The following EYS variants were observed in gnomAD, a reference collection of about 807,000 sequenced individuals.
EYS encodes the protein protein eyes shut homolog.
A neutral mutation model predicts 282.1 loss-of-function variants in EYS; 250 were observed. That is an observed-to-expected ratio of 0.89 (90% CI 0.80 to 0.98). The LOEUF is 0.98. Ranked by LOEUF, EYS falls within the 50% of genes least tolerant of loss-of-function variation. EYS has a pLI of 0.00. For synonymous variants in EYS, 1,355 were observed against 1,282.9 expected, an observed-to-expected ratio of 1.06 and a Z score of -1.20; for missense variants, 4,016 against 3,709.0, an observed-to-expected ratio of 1.08 and a Z score of -2.15.
At chr6:65,092,576 T>C (rs1774605381) in intron 12 of EYS, among the ~76,000 whole-genome samples, 1 of 152,190 alleles carries the variant, frequency 6.6e-6, no homozygotes, top group Admixed American at 6.5e-5. Context: ...CTGATAACTG[T>C]TTAGCTCTTT....
intron 13 of EYS, among the ~76,000 whole-genome samples, chr6:65,006,503 C>CAAAAAAA (rs59057058): frequency 7.2e-5 from 6 of 83,276 alleles, no homozygotes; most frequent in Admixed American, 1.5e-4. Context: ...TATTCTAAGT[C>CAAAAAAA]AAAAAAAAAA....
At chr6:65,496,712 G>C (rs1300236390) in intron 2 of EYS, among the ~76,000 whole-genome samples, 9 of 151,958 alleles carry the variant, frequency 5.9e-5, no homozygotes, top group Non-Finnish European at 1.2e-4. Context: ...TTTTGTTATT[G>C]TACAATTTCA....
intron 31 of EYS, among the ~76,000 whole-genome samples, chr6:64,173,684 T>C (rs1003430076): frequency 1.3e-5 from 2 of 152,184 alleles, no homozygotes; most frequent in African/African-American, 4.8e-5. Context: ...TGGGAACTTT[T>C]ACTTAAAAAG....
intron 26 of EYS, among the ~76,000 whole-genome samples, chr6:64,446,595 A>G (rs1233315340): frequency 6.6e-6 from 1 of 152,038 alleles, no homozygotes; most frequent in Non-Finnish European, 1.5e-5. Context: ...AGATCATAAA[A>G]TTCTATATCA....
intron 29 of EYS, among the ~76,000 whole-genome samples, chr6:64,366,230 C>T (rs1394446356): frequency 6.6e-6 from 1 of 151,882 alleles, no homozygotes; most frequent in Non-Finnish European, 1.5e-5. Flanking sequence ...TTTAGGACTC[C>T]CCAAATAGTG....
chr6:65,428,395 A>G (rs1767745286), intron 5 of EYS, among the ~76,000 whole-genome samples: 1 of 152,182 alleles, frequency 6.6e-6, no homozygotes, highest in African/African-American at 2.4e-5. Context: ...TAATTACATC[A>G]AACACTTGTA....
chr6:64,839,358 A>C (rs1402588320), intron 19 of EYS, among the ~76,000 whole-genome samples: 2 of 152,050 alleles, frequency 1.3e-5, no homozygotes, highest in African/African-American at 4.8e-5. Flanking sequence ...AAAAATACCC[A>C]AAATTTCATT....
intron 12 of EYS, among the ~76,000 whole-genome samples, chr6:65,294,567 A>T (rs1352003071): frequency 6.6e-6 from 1 of 151,896 alleles, no homozygotes; most frequent in Non-Finnish European, 1.5e-5. Context: ...TGATCATATA[A>T]CGTACAACCA....
intron 22 of EYS, among the ~76,000 whole-genome samples, chr6:64,651,584 G>A (rs1321858741): frequency 6.6e-6 from 1 of 152,238 alleles, no homozygotes; most frequent in Non-Finnish European, 1.5e-5. Context: ...TCGGGAGGCT[G>A]AGACGGGAGA....
intron 35 of EYS, among the ~76,000 whole-genome samples, chr6:63,948,589 C>T (rs185112723): frequency 6.7e-6 from 1 of 150,322 alleles, no homozygotes; most frequent in Non-Finnish European, 1.5e-5. Flanking sequence ...TTTTCTCTCT[C>T]TCCCTGATTT....
intron 2 of EYS, among the ~76,000 whole-genome samples, chr6:65,542,133 T>C (rs1443092825): frequency 2.0e-5 from 3 of 152,196 alleles, no homozygotes; most frequent in Non-Finnish European, 4.4e-5. Context: ...TTTGACTTTT[T>C]AGCAGTTTTC....
chr6:65,322,703 G>A (rs1385420869), intron 11 of EYS, among the ~76,000 whole-genome samples: 1 of 151,032 alleles, frequency 6.6e-6, no homozygotes, highest in Non-Finnish European at 1.5e-5. Flanking sequence ...GCTGAGGCAG[G>A]AGAATCACTT....
chr6:64,504,343 C>T lies in EYS; in HGVS notation c.5645-64991G>A, dbSNP rs561802129. On this transcript the variant is annotated intron_variant, in intron 26 of 42. Transcript: ENST00000503581. ...ACCCTAACATTTTAGGAAAACTTACCAATGACACTTCTGTTATGATGATGA... is the reference window on the plus strand; with the variant it reads ...ACCCTAACATTTTAGGAAAACTTACTAATGACACTTCTGTTATGATGATGA... Among the ~76,000 whole-genome samples the T allele has an allele frequency of 2.6e-5, 4 of 152,206 alleles. No homozygotes were observed. In the East Asian group the frequency reaches 5.8e-4, roughly 22 times the overall value.
chr6:64,595,130 G>A (rs914769234), intron 24 of EYS, among the ~76,000 whole-genome samples: 7 of 152,130 alleles, frequency 4.6e-5, no homozygotes, highest in South Asian at 2.1e-4. Flanking sequence ...ATGCAAGGAT[G>A]TTTCAACATA....
chr6:63,876,829 T>C (rs541884129), intron 35 of EYS, among the ~76,000 whole-genome samples: 5 of 152,332 alleles, frequency 3.3e-5, no homozygotes, highest in Admixed American at 3.3e-4. Context: ...TGGTAGATCT[T>C]CCTTCATCCC....
At chr6:64,942,181 G>A (rs568015936) in intron 15 of EYS, among the ~76,000 whole-genome samples, 5 of 150,870 alleles carry the variant, frequency 3.3e-5, no homozygotes, top group South Asian at 2.1e-4. Flanking sequence ...GTCTCATTGC[G>A]GTTTTGATTT....
chr6:63,942,362 G>C (rs1391884220), intron 35 of EYS, among the ~76,000 whole-genome samples: 2 of 152,186 alleles, frequency 1.3e-5, no homozygotes, highest in African/African-American at 4.8e-5. Context: ...TCATAAAAGA[G>C]ATTATGGATA....
intron 22 of EYS, among the ~76,000 whole-genome samples, chr6:64,811,098 A>G (rs927525250): frequency 1.3e-5 from 2 of 152,090 alleles, no homozygotes; most frequent in Non-Finnish European, 2.9e-5. Flanking sequence ...CTTGAAAAGC[A>G]CTACCTTCTA....
Position 65,375,505 on chromosome 6 carries a change from C to A in EYS, c.1299+8881G>T, listed in dbSNP as rs558877182. On this transcript the variant is annotated intron_variant, in intron 8 of 42. Coordinates refer to ENST00000503581, the MANE Select transcript of EYS (RefSeq NM_001142800.2). Reference sequence around the variant, plus strand: ...TCCTCCAAATGATCACGACTCCTCTCCAGCAAGGGCACAAAACTGGACAGA... The same window carrying A: ...TCCTCCAAATGATCACGACTCCTCTACAGCAAGGGCACAAAACTGGACAGA... Among the ~76,000 whole-genome samples, 11 of 152,138 alleles carry A rather than the reference C, an allele frequency of 7.2e-5. No individual in the cohort carries two copies. In the South Asian group the frequency reaches 1.9e-3, roughly 26 times the overall value.
Sources: gnomAD v4.1 joint callset for allele counts (sites outside exome capture counted in the v4.1 genomes callset) on GRCh38, gnomAD v4.1.1 for gene constraint, MANE v1.5 for transcripts, NCBI Gene and HGNC (gene_info 2026-07-23, HGNC 2026-07-21) for gene names.